Variants in GORASP2 observed in about 807,000 individuals in gnomAD.
GORASP2 encodes the protein golgi reassembly stacking protein 2.
A neutral mutation model predicts 45.7 loss-of-function variants in GORASP2; 22 were observed. That is an observed-to-expected ratio of 0.48 (90% CI 0.34 to 0.69). The LOEUF (loss-of-function observed/expected upper bound fraction) is 0.69. Among genes scored for constraint, GORASP2 ranks in the 30% least tolerant of loss-of-function variants. The pLI is 0.01. For synonymous variants in GORASP2, 221 were observed against 215.6 expected (o/e 1.02, Z -0.22); for missense variants, 491 against 562.7 (o/e 0.87, Z 1.29).
intron 7 of GORASP2, among the ~76,000 whole-genome samples, chr2:170,956,952 A>T (rs928538569): frequency 3.9e-5 from 6 of 152,162 alleles, no homozygotes; most frequent in Non-Finnish European, 8.8e-5. Context: ...TTTAAAAAAG[A>T]ATTTAAAAAA....
chr2:170,962,844 A>T lies in GORASP2; in HGVS notation c.916A>T (p.Met306Leu). The change falls in exon 9 of 10, where the codon ATG becomes TTG. Residue 306 changes from methionine (M) to leucine (L), a missense_variant. Physicochemically the swap from Met to Leu is conservative, Grantham distance 15 (BLOSUM62 2). This residue lies in a region of GORASP2 where 297 missense variants were observed against 292.3 expected (regional missense o/e 1.02). Transcript: ENST00000234160. ...MNPATTLPGL[M>L]PLPAGLPNLP... ...CTTTTCTGCCTTCTCTTCAGGTCTGATGCCTTTACCAGCAGGACTGCCCAA... is the reference window on the plus strand; with the variant it reads ...CTTTTCTGCCTTCTCTTCAGGTCTGTTGCCTTTACCAGCAGGACTGCCCAA... 1 of 1,609,518 alleles carries T rather than the reference A, an allele frequency of 6.2e-7. No homozygotes were observed. Among genetic ancestry groups the T allele is most frequent in the Non-Finnish European group, 8.5e-7 (1 of 1,175,906 alleles).
intron 9 of GORASP2, among the ~76,000 whole-genome samples, chr2:170,965,553 C>T (rs1337578497): frequency 6.6e-6 from 1 of 152,204 alleles, no homozygotes; most frequent in East Asian, 1.9e-4. Flanking sequence ...TCCCCCAGTG[C>T]TGGGCCAGGT....
chr2:170,944,967 C>T (rs1437943928), intron 1 of GORASP2, among the ~76,000 whole-genome samples: 1 of 152,092 alleles, frequency 6.6e-6, no homozygotes, highest in African/African-American at 2.4e-5. Flanking sequence ...TTGATAACCA[C>T]CTAATAGGCA....
intron 1 of GORASP2, among the ~76,000 whole-genome samples, chr2:170,945,895 G>C (rs961063257): frequency 1.3e-5 from 2 of 152,192 alleles, no homozygotes; most frequent in Admixed American, 6.5e-5. Flanking sequence ...GGTTGAAAGT[G>C]TATCTGTCAT....
At position 170,929,332 on chromosome 2, in the gene GORASP2, C is replaced by T. The variant is rs751551613; in HGVS notation, c.-9C>T. On this transcript the variant is annotated 5_prime_UTR_variant, in exon 1 of 10. Coordinates refer to ENST00000234160, the MANE Select transcript of GORASP2 (RefSeq NM_015530.5). Reference sequence around the variant, plus strand: ...GAGCCCGGCTCGGCCACACCGATCGCCCGCCGCCATGGGCTCCTCGCAAAG... The same window carrying T: ...GAGCCCGGCTCGGCCACACCGATCGTCCGCCGCCATGGGCTCCTCGCAAAG... 1 of 1,361,550 alleles carries T rather than the reference C, an allele frequency of 7.3e-7. No individual in the cohort carries two copies. The highest frequency in any genetic ancestry group is 1.8e-5 in the South Asian group (1 of 55,272). 84.3% of individuals were successfully genotyped at this position (1,361,550 alleles called of 1,614,324 possible). A position where few individuals can be genotyped will look rare whatever the true frequency, so the allele number is the denominator to read the frequency against.
chr2:170,955,635 T>G (rs980050806), intron 6 of GORASP2, among the ~76,000 whole-genome samples: 1 of 152,212 alleles, frequency 6.6e-6, no homozygotes, highest in Non-Finnish European at 1.5e-5. Context: ...AGCTCTTCTT[T>G]AAGAGCTGCT....
chr2:170,952,342 A>G (rs1490002415), intron 5 of GORASP2, among the ~76,000 whole-genome samples: 3 of 152,216 alleles, frequency 2.0e-5, no homozygotes, highest in Non-Finnish European at 4.4e-5. Flanking sequence ...TGATGTGTTT[A>G]ATACTGTCAG....
At chr2:170,943,785 G>T (rs71415233) in intron 1 of GORASP2, among the ~76,000 whole-genome samples, 1 of 151,962 alleles carries the variant, frequency 6.6e-6, no homozygotes, top group African/African-American at 2.4e-5. Context: ...CAATCCTCCC[G>T]CCTTAGCTTC....
In GORASP2 at chr2:170,958,669, TTTTTTAAA is replaced by T. The variant is rs1322596801; in HGVS notation, c.823+2111_823+2118del. Among the ~76,000 whole-genome samples the T allele has an allele frequency of 3.5e-4, 26 of 73,712 alleles. No homozygotes were observed. In the South Asian group the frequency reaches 0.029, roughly 82 times the overall value. 48.4% of individuals were successfully genotyped at this position (73,712 alleles called of 152,430 possible). On this transcript the variant is annotated intron_variant, in intron 7 of 9. Transcript: ENST00000234160. The stretch of plus-strand genomic sequence containing the variant: ...CCAGATGCTCTTTTTTTTTTTTTTT[TTTTTTAAA>T]AAAAAAAAAAACAGACTCTGTTGCC...
intron 9 of GORASP2, among the ~76,000 whole-genome samples, chr2:170,964,656 A>AAAAAAT (rs796275642): frequency 2.0e-5 from 3 of 152,066 alleles, no homozygotes; most frequent in Admixed American, 6.5e-5. Context: ...CCGTCTCAAA[A>AAAAAAT]AAAAATAAAA....
chr2:170,940,151 A>G (rs1704039744), intron 1 of GORASP2, among the ~76,000 whole-genome samples: 1 of 152,220 alleles, frequency 6.6e-6, no homozygotes, highest in Non-Finnish European at 1.5e-5. Flanking sequence ...ATTGTCAGAA[A>G]ACTTAAGGAA....
intron 1 of GORASP2, among the ~76,000 whole-genome samples, chr2:170,944,369 A>C (rs947241591): frequency 1.3e-5 from 2 of 152,186 alleles, no homozygotes; most frequent in Non-Finnish European, 2.9e-5. Context: ...AGTAATTAAG[A>C]TACCTACCTA....
At chr2:170,930,929 C>T (rs1703806707) in intron 1 of GORASP2, among the ~76,000 whole-genome samples, 1 of 147,964 alleles carries the variant, frequency 6.8e-6, no homozygotes, top group Non-Finnish European at 1.5e-5. Flanking sequence ...TTTTATAATA[C>T]ATGCACTCAG....
intron 8 of GORASP2, among the ~76,000 whole-genome samples, chr2:170,962,292 G>T (rs1704581670): frequency 6.6e-6 from 1 of 152,178 alleles, no homozygotes; most frequent in South Asian, 2.1e-4. Context: ...GGCTAAAAAT[G>T]TCATTATCCA....
At chr2:170,937,416 G>A (rs529073519) in intron 1 of GORASP2, among the ~76,000 whole-genome samples, 14 of 152,256 alleles carry the variant, frequency 9.2e-5, no homozygotes, top group Non-Finnish European at 1.8e-4. Flanking sequence ...GCCCAGGCTG[G>A]TCTCAAACTC....
intron 1 of GORASP2, among the ~76,000 whole-genome samples, chr2:170,931,628 A>T (rs940297600): frequency 6.6e-6 from 1 of 152,228 alleles, no homozygotes; most frequent in Admixed American, 6.5e-5. Flanking sequence ...TGAAATACCA[A>T]TTATAATAAC....
intron 7 of GORASP2, among the ~76,000 whole-genome samples, chr2:170,957,985 G>C (rs1169632761): frequency 3.9e-5 from 6 of 152,242 alleles, no homozygotes; most frequent in Admixed American, 1.3e-4. Context: ...TTTCTGGGCT[G>C]TCTTAAATAT....
At chr2:170,939,153 C>A (rs573620581) in intron 1 of GORASP2, among the ~76,000 whole-genome samples, 6 of 152,270 alleles carry the variant, frequency 3.9e-5, no homozygotes, top group Non-Finnish European at 7.4e-5. Flanking sequence ...ACTTCAATTT[C>A]TTTCGATGTT....
intron 7 of GORASP2, among the ~76,000 whole-genome samples, chr2:170,958,718 A>G (rs2105327210): frequency 6.8e-6 from 1 of 147,314 alleles, no homozygotes; most frequent in African/African-American, 2.5e-5. Context: ...AGGCTAGAGT[A>G]CAGTGGCACT....
Sources: allele counts gnomAD v4.1 joint callset (sites outside exome capture counted in the v4.1 genomes callset), GRCh38; gene constraint gnomAD v4.1.1; regional missense constraint gnomAD v4.1.1; transcripts MANE v1.5; gene names NCBI Gene and HGNC (gene_info 2026-07-23, HGNC 2026-07-21).